EFNA5: variants seen among roughly 807,000 people sequenced by gnomAD.
The protein encoded by EFNA5 is ephrin A5.
In EFNA5, 5 loss-of-function variants were observed where a neutral mutation model predicts 22.9. The ratio of observed to expected loss-of-function variants is 0.22; its 90% CI spans 0.11 to 0.46. The LOEUF (loss-of-function observed/expected upper bound fraction) is 0.46, where lower values mean the gene tolerates loss of function less well. Among genes scored for constraint, EFNA5 ranks in the 20% least tolerant of loss-of-function variants. EFNA5 has a pLI of 0.99. For missense variants in EFNA5, 237 were observed against 293.3 expected (o/e 0.81, Z 1.40); for synonymous variants, 113 against 112.2 (o/e 1.01, Z -0.04).
chr5:107,615,086 G>A (rs1749886695), intron 1 of EFNA5, among the ~76,000 whole-genome samples: 1 of 152,022 alleles, frequency 6.6e-6, no homozygotes, highest in South Asian at 2.1e-4. Context: ...AGTATTGAGA[G>A]AAATGGCCAA....
chr5:107,620,858 C>T (rs1439482046), intron 1 of EFNA5, among the ~76,000 whole-genome samples: 1 of 152,036 alleles, frequency 6.6e-6, no homozygotes, highest in Non-Finnish European at 1.5e-5. Flanking sequence ...TGCAAAGAAG[C>T]AGGAATAACT....
Position 107,661,135 on chromosome 5 carries a change from G to A in EFNA5, c.125+9354C>T, listed in dbSNP as rs550881221. 1.8e-4 allele frequency among the ~76,000 whole-genome samples: 24 copies of A among 130,900 alleles called. No homozygotes were observed. The East Asian group carries it at 5.2e-3, about 29-fold the overall frequency. The allele number at this position is 130,900 out of a possible 152,430, so 85.9% of individuals were successfully genotyped here. ...CTGTTAAAAAAAAAAAAAAGAAGAA[G>A]AAGAAGAAGAAAAAAAAAGTATTAG... On this transcript the variant is annotated intron_variant, in intron 1 of 4. Transcript: ENST00000333274.
At chr5:107,522,640 T>A (rs61415460) in intron 1 of EFNA5, among the ~76,000 whole-genome samples, 6,432 of 152,190 alleles carry the variant, frequency 0.042, 426 homozygotes, top group African/African-American at 0.14. Flanking sequence ...AGTGATCCAC[T>A]TTGGCCTCCC....
chr5:107,464,467 G>C (rs1749923866), intron 1 of EFNA5, among the ~76,000 whole-genome samples: 1 of 152,092 alleles, frequency 6.6e-6, no homozygotes, highest in Non-Finnish European at 1.5e-5. Flanking sequence ...TACATCCTCG[G>C]GGAGCAAAGG....
At chr5:107,497,155 T>G (rs1409819802) in intron 1 of EFNA5, among the ~76,000 whole-genome samples, 1 of 152,240 alleles carries the variant, frequency 6.6e-6, no homozygotes, top group African/African-American at 2.4e-5. Flanking sequence ...GGCTTTGCTT[T>G]GCTATCTGTA....
At chr5:107,588,575 C>G (rs1162436330) in intron 1 of EFNA5, among the ~76,000 whole-genome samples, 1 of 152,172 alleles carries the variant, frequency 6.6e-6, no homozygotes, top group African/African-American at 2.4e-5. Flanking sequence ...TTTAAAATGA[C>G]TTGGGAAAGA....
intron 1 of EFNA5, among the ~76,000 whole-genome samples, chr5:107,483,353 C>G (rs375159866): frequency 2.6e-5 from 4 of 152,130 alleles, no homozygotes; most frequent in Non-Finnish European, 5.9e-5. Flanking sequence ...CAGTTTTCAA[C>G]GACACCACAT....
intron 1 of EFNA5, among the ~76,000 whole-genome samples, chr5:107,529,215 G>A (rs539103287): frequency 1.3e-5 from 2 of 152,066 alleles, no homozygotes; most frequent in Admixed American, 6.6e-5. Flanking sequence ...TGAAAAACTA[G>A]TTTGAAACAT....
intron 1 of EFNA5, among the ~76,000 whole-genome samples, chr5:107,538,234 T>C (rs918311249): frequency 6.6e-6 from 1 of 152,236 alleles, no homozygotes; most frequent in African/African-American, 2.4e-5. Context: ...TTACTCAACA[T>C]AGGGAAGCAC....
At chr5:107,528,971 CTT>C (rs1747754292) in intron 1 of EFNA5, among the ~76,000 whole-genome samples, 1 of 152,034 alleles carries the variant, frequency 6.6e-6, no homozygotes, top group Non-Finnish European at 1.5e-5. Flanking sequence ...TTTCATGAAA[CTT>C]TTGTTTCAAT....
At chr5:107,569,693 T>C (rs1388625332) in intron 1 of EFNA5, among the ~76,000 whole-genome samples, 2 of 146,110 alleles carry the variant, frequency 1.4e-5, no homozygotes, top group Non-Finnish European at 3.0e-5. Flanking sequence ...CTACTAAAAA[T>C]ACAAAAAAAT....
intron 1 of EFNA5, among the ~76,000 whole-genome samples, chr5:107,500,397 T>C (rs1405316780): frequency 2.6e-5 from 4 of 152,244 alleles, no homozygotes; most frequent in African/African-American, 9.6e-5. Context: ...CTGCAAAGTC[T>C]TTCTTGTTCT....
chr5:107,450,087 T>G (rs1012077263), intron 1 of EFNA5, among the ~76,000 whole-genome samples: 5 of 152,158 alleles, frequency 3.3e-5, no homozygotes, highest in Admixed American at 3.3e-4. Context: ...GCCAAAAAAT[T>G]TGTATTAACG....
At chr5:107,511,002 T>TTG (rs71644591) in intron 1 of EFNA5, among the ~76,000 whole-genome samples, 45,282 of 140,090 alleles carry the variant, frequency 0.32, 7,210 homozygotes, top group Non-Finnish European at 0.34. Flanking sequence ...TTCTTTTTCT[T>TTG]TGTGTGTGTG....
Position 107,383,105 on chromosome 5 carries a change from A to G in EFNA5, c.566-1729T>C, listed in dbSNP as rs540688734. 5.3e-5 allele frequency among the ~76,000 whole-genome samples: 8 copies of G among 152,232 alleles called. No individual in the cohort carries two copies. In the South Asian group the frequency reaches 1.2e-3, roughly 24 times the overall value. On this transcript the variant is annotated intron_variant, in intron 4 of 4. Transcript: ENST00000333274. ...GTTTTGTCCATCACATCCATTCCCA[A>G]TGAGAAAGGTCTTCTCAGTGTTGAG...
chr5:107,613,786 G>A (rs1749866040), intron 1 of EFNA5, among the ~76,000 whole-genome samples: 1 of 152,048 alleles, frequency 6.6e-6, no homozygotes, highest in Non-Finnish European at 1.5e-5. Flanking sequence ...TGACACTAAA[G>A]CAGGCCTTGT....
chr5:107,640,776 C>A (rs1750482444), intron 1 of EFNA5, among the ~76,000 whole-genome samples: 1 of 152,170 alleles, frequency 6.6e-6, no homozygotes, highest in Non-Finnish European at 1.5e-5. Context: ...ACAGAGGTAA[C>A]CGCTATACAG....
intron 1 of EFNA5, among the ~76,000 whole-genome samples, chr5:107,603,883 G>C (rs971506655): frequency 5.9e-5 from 9 of 152,198 alleles, no homozygotes; most frequent in African/African-American, 2.2e-4. Flanking sequence ...CCTGCTCATA[G>C]AACAAAGTGA....
At chr5:107,487,205 C>T (rs1392563347) in intron 1 of EFNA5, among the ~76,000 whole-genome samples, 1 of 152,174 alleles carries the variant, frequency 6.6e-6, no homozygotes, top group Non-Finnish European at 1.5e-5. Flanking sequence ...GGACACACTG[C>T]TGTGCCTGTA....
Sources: gnomAD v4.1 joint callset for allele counts (sites outside exome capture counted in the v4.1 genomes callset) on GRCh38, gnomAD v4.1.1 for gene constraint, MANE v1.5 for transcripts, NCBI Gene and HGNC (gene_info 2026-07-23, HGNC 2026-07-21) for gene names.